The following PAQR3 variants were observed in gnomAD, a reference collection of about 807,000 sequenced individuals.
PAQR3 encodes progestin and adipoQ receptor family member 3.
Under a neutral mutation model 41.7 loss-of-function variants are expected in PAQR3, and 39 were observed. That is an observed-to-expected ratio of 0.93 (90% CI 0.72 to 1.22). PAQR3 has a LOEUF of 1.22. PAQR3 is among the 50% of genes most tolerant of loss of function. The pLI, the probability that PAQR3 is intolerant of heterozygous loss-of-function variation, is 0.00. For missense variants in PAQR3, 366 were observed against 385.6 expected (o/e 0.95, Z 0.42); for synonymous variants, 140 against 140.6 (o/e 1.00, Z 0.03).
At chr4:78,932,405 G>A (rs1352140737) in intron 2 of PAQR3, among the ~76,000 whole-genome samples, 1 of 152,134 alleles carries the variant, frequency 6.6e-6, no homozygotes, top group Non-Finnish European at 1.5e-5. Context: ...AGATCCCATT[G>A]CCACAATGTT....
chr4:78,911,420 C>T (rs778241090), downstream of PAQR3: 1 of 1,614,012 alleles, frequency 6.2e-7, no homozygotes, highest in Admixed American at 1.7e-5. Flanking sequence ...GGGCTTGTGC[C>T]CTTTGATGAA....
At chr4:78,911,469 C>T, downstream of PAQR3, 1 of 1,614,038 alleles carries the variant, frequency 6.2e-7, no homozygotes, top group Non-Finnish European at 8.5e-7. Flanking sequence ...AACAGCGCAG[C>T]TTACAGAAAC....
chr4:78,899,211 T>C (rs954618626), intron 11 of PAQR3: 6 of 151,956 alleles, frequency 3.9e-5, no homozygotes, highest in Admixed American at 1.3e-4. Context: ...GAGAGAGATT[T>C]AGAGGGGCAG....
At chr4:78,932,374 A>G (rs934681809) in intron 2 of PAQR3, among the ~76,000 whole-genome samples, 1 of 152,172 alleles carries the variant, frequency 6.6e-6, no homozygotes, top group African/African-American at 2.4e-5. Flanking sequence ...ATAAAAGTGT[A>G]TATTTCTCAT....
At chr4:78,923,087 TA>T (rs2110138155) in intron 5 of PAQR3, 1 of 406,884 alleles carries the variant, frequency 2.5e-6, no homozygotes, top group African/African-American at 2.1e-5. Flanking sequence ...CCAGGAAGCC[TA>T]AAGCCAGCTT....
intron 4 of PAQR3, 71 bp from the exon 5 acceptor site, chr4:78,924,018 A>C (rs1735939736): frequency 4.4e-6 from 5 of 1,127,352 alleles, no homozygotes; most frequent in Non-Finnish European, 6.7e-6. Context: ...TATGAATCTA[A>C]TAGTGGGATT....
At chr4:78,922,106 AATT>A in intron 5 of PAQR3, 1 of 1,032,932 alleles carries the variant, frequency 9.7e-7, no homozygotes, top group South Asian at 3.6e-5. Flanking sequence ...TTTTAAAAAG[AATT>A]ATTAATAAAG....
chr4:78,917,870 C>T lies in PAQR3; in HGVS notation c.*2669G>A, dbSNP rs982693724. The T allele has an allele frequency of 1.2e-5, 12 of 985,264 alleles. No homozygotes were observed. Among genetic ancestry groups the T allele is most frequent in the East Asian group, 1.1e-4 (1 of 8,812 alleles). 61.0% of individuals were successfully genotyped at this position (985,264 alleles called of 1,614,324 possible). A position where few individuals can be genotyped will look rare whatever the true frequency, so the allele number is the denominator to read the frequency against. ...ATGTGACAGACATTCCCTGAATCTT[C>T]GTTCCTGATTCTAAAATATGATTTT... On this transcript the variant is annotated 3_prime_UTR_variant, in exon 6 of 6. Coordinates refer to ENST00000512733, the MANE Select transcript of PAQR3 (RefSeq NM_001040202.2).
Position 78,918,260 on chromosome 4 carries a change from CAA to C in PAQR3, c.*2277_*2278del. The C allele has an allele frequency of 1.1e-6, 1 of 932,948 alleles. No homozygotes were observed. The highest frequency in any genetic ancestry group is 1.3e-6 in the Non-Finnish European group (1 of 782,908). The allele number at this position is 932,948 out of a possible 1,614,324, so 57.8% of individuals were successfully genotyped here. ...TTAATCTTACTTTAATCTATAAAAACAAAAATAACTTAAATATACATCATTAC... is the reference window on the plus strand; with the variant it reads ...TTAATCTTACTTTAATCTATAAAAACAAATAACTTAAATATACATCATTAC... On this transcript the variant is annotated 3_prime_UTR_variant, in exon 6 of 6. Coordinates refer to ENST00000512733, the MANE Select transcript of PAQR3 (RefSeq NM_001040202.2).
intron 11 of PAQR3, among the ~76,000 whole-genome samples, chr4:78,895,108 A>T (rs1733635115): frequency 6.6e-6 from 1 of 152,218 alleles, no homozygotes; most frequent in Non-Finnish European, 1.5e-5. Flanking sequence ...ATAATGAAAA[A>T]GTTTTAAATA....
Position 78,915,284 on chromosome 4 carries a change from A to G in PAQR3, c.*5255T>C, listed in dbSNP as rs751706560. 6.6e-6 allele frequency: 1 copy of G among 151,986 alleles called. No individual in the cohort carries two copies. The allele number at this position is 151,986 out of a possible 1,614,324, so 9.4% of individuals were successfully genotyped here. On this transcript the variant is annotated 3_prime_UTR_variant, in exon 6 of 6. Transcript: ENST00000512733. ...AATCTAAGGTGGAGCCCACTCTTCT[A>G]TGCTGAAGTTCACCAGGCAGAGCAG...
chr4:78,912,909 C>T lies in PAQR3; in HGVS notation c.*7630G>A, dbSNP rs1734734931. The stretch of plus-strand genomic sequence containing the variant: ...TACTTTAGAAACACTTTATGCATGG[C>T]TTCTTGCCCCAAACTTTTATTGTGA... On this transcript the variant is annotated 3_prime_UTR_variant, in exon 6 of 6. Transcript: ENST00000512733. 1 of 152,140 alleles carries T rather than the reference C, an allele frequency of 6.6e-6. No homozygotes were observed. The highest frequency in any genetic ancestry group is 1.5e-5 in the Non-Finnish European group (1 of 68,008). 9.4% of individuals were successfully genotyped at this position (152,140 alleles called of 1,614,324 possible).
downstream of PAQR3, among the ~76,000 whole-genome samples, chr4:78,909,724 C>T (rs540761386): frequency 6.6e-5 from 10 of 152,262 alleles, no homozygotes; most frequent in South Asian, 2.1e-4. Flanking sequence ...TAGGTTTATG[C>T]GCCCATTTCC....
chr4:78,887,420 C>A, intron 12 of PAQR3: 1 of 677,222 alleles, frequency 1.5e-6, no homozygotes, highest in Non-Finnish European at 2.6e-6. Flanking sequence ...TTTAGCCATC[C>A]TACTCTTCTT....
At chr4:78,898,429 T>C (rs1173866174) in intron 11 of PAQR3, among the ~76,000 whole-genome samples, 2 of 151,768 alleles carry the variant, frequency 1.3e-5, no homozygotes, top group African/African-American at 2.4e-5. Flanking sequence ...TTAGCAATAA[T>C]AGTTATATAT....
At chr4:78,911,218 G>C, downstream of PAQR3, 1 of 1,613,890 alleles carries the variant, frequency 6.2e-7, no homozygotes, top group Non-Finnish European at 8.5e-7. Context: ...TGCAGGACTG[G>C]AGCAGGAGGA....
intron 5 of PAQR3, chr4:78,921,886 G>C: frequency 1.0e-6 from 1 of 984,946 alleles, no homozygotes; most frequent in Non-Finnish European, 1.2e-6. Flanking sequence ...AACTCAATAT[G>C]CTCTGCTACA....
intron 11 of PAQR3, among the ~76,000 whole-genome samples, chr4:78,901,583 T>C (rs550745983): frequency 6.6e-6 from 1 of 152,290 alleles, no homozygotes; most frequent in South Asian, 2.1e-4. Flanking sequence ...TACAGTATAC[T>C]CATAAAAATC....
At chr4:78,910,034 T>C (rs79374120), downstream of PAQR3, among the ~76,000 whole-genome samples, 10,323 of 152,218 alleles carry the variant, frequency 0.068, 471 homozygotes, top group East Asian at 0.21. Context: ...GGCAGATGTT[T>C]TTGGTACAGT....
Sources: gnomAD v4.1 joint callset for allele counts (sites outside exome capture counted in the v4.1 genomes callset) on GRCh38, gnomAD v4.1.1 for gene constraint, MANE v1.5 for transcripts, NCBI Gene and HGNC (gene_info 2026-07-23, HGNC 2026-07-21) for gene names.